Variants in CNTNAP2 observed in about 807,000 individuals in gnomAD.
CNTNAP2 encodes the protein contactin associated protein 2.
In CNTNAP2, 98 loss-of-function variants were observed where a neutral mutation model predicts 155.2. The ratio of observed to expected loss-of-function variants is 0.63; its 90% CI spans 0.54 to 0.75. The LOEUF (loss-of-function observed/expected upper bound fraction) is 0.75, where lower values mean the gene tolerates loss of function less well. CNTNAP2 is among the 30% of genes least tolerant of loss of function. CNTNAP2 has a pLI of 0.00. For synonymous variants in CNTNAP2, 651 were observed against 631.2 expected, an observed-to-expected ratio of 1.03 and a Z score of -0.47; for missense variants, 1,727 against 1,688.1, an observed-to-expected ratio of 1.02 and a Z score of -0.40.
rs560284039 is a variant in CNTNAP2, at chr7:147,932,914, C to A, written c.2255+29193C>A. Among the ~76,000 whole-genome samples, 7 of 152,116 alleles carry A rather than the reference C, an allele frequency of 4.6e-5. No homozygotes were observed. In the South Asian group the frequency reaches 1.2e-3, roughly 27 times the overall value. On this transcript the variant is annotated intron_variant, in intron 14 of 23. Transcript: ENST00000361727. ...TAAATGAGTAAAAAATTTGAATAGA[C>A]ATTTATCCAAAGAAGATATACAACT...
At chr7:146,514,364 A>G (rs549051387) in intron 1 of CNTNAP2, among the ~76,000 whole-genome samples, 25 of 152,046 alleles carry the variant, frequency 1.6e-4, no homozygotes, top group African/African-American at 6.0e-4. Flanking sequence ...AATGACTCTT[A>G]CATTTGCTCT....
intron 20 of CNTNAP2, among the ~76,000 whole-genome samples, chr7:148,250,200 A>G (rs1796339507): frequency 6.6e-6 from 1 of 152,142 alleles, no homozygotes; most frequent in Non-Finnish European, 1.5e-5. Flanking sequence ...TCAAGTCTTC[A>G]TTGAATCTCC....
At chr7:147,241,963 A>C (rs1325782770) in intron 8 of CNTNAP2, among the ~76,000 whole-genome samples, 1 of 152,224 alleles carries the variant, frequency 6.6e-6, no homozygotes, top group Non-Finnish European at 1.5e-5. Context: ...TTTATAAAGC[A>C]GAATGATGTA....
intron 2 of CNTNAP2, among the ~76,000 whole-genome samples, chr7:146,781,615 AG>A (rs1196742150): frequency 6.6e-6 from 1 of 152,150 alleles, no homozygotes; most frequent in Non-Finnish European, 1.5e-5. Flanking sequence ...TGCCTCTTAC[AG>A]GCTCCCAGGC....
At position 147,879,324 on chromosome 7, in the gene CNTNAP2, G is replaced by A. The variant is rs570189991; in HGVS notation, c.2099-24241G>A. 2.6e-5 allele frequency among the ~76,000 whole-genome samples: 4 copies of A among 152,256 alleles called. No homozygotes were observed. The East Asian group carries it at 7.7e-4, about 29-fold the overall frequency. On this transcript the variant is annotated intron_variant, in intron 13 of 23. Transcript: ENST00000361727. ...CACAGGGCTGGCATTCAGAGCCAGG[G>A]TCACAAAGCAGCTCTTTCCAGGAGC...
chr7:147,957,621 AT>A (rs1397084471), intron 14 of CNTNAP2, among the ~76,000 whole-genome samples: 1 of 152,182 alleles, frequency 6.6e-6, no homozygotes, highest in African/African-American at 2.4e-5. Flanking sequence ...AATTGCAATG[AT>A]TATGTATTCA....
At chr7:146,857,818 CAT>C (rs1795020724) in intron 3 of CNTNAP2, among the ~76,000 whole-genome samples, 1 of 152,158 alleles carries the variant, frequency 6.6e-6, no homozygotes, top group Admixed American at 6.5e-5. Context: ...GGTTCTATAT[CAT>C]ATGTTCAAAG....
intron 1 of CNTNAP2, among the ~76,000 whole-genome samples, chr7:146,772,914 C>T (rs938079992): frequency 5.3e-5 from 8 of 152,080 alleles, no homozygotes; most frequent in African/African-American, 9.7e-5. Context: ...CAGCTGCTGC[C>T]GGCAAAACTA....
chr7:146,145,903 C>T (rs914770053), intron 1 of CNTNAP2, among the ~76,000 whole-genome samples: 1 of 152,166 alleles, frequency 6.6e-6, no homozygotes, highest in Admixed American at 6.5e-5. Context: ...TGCTGCATTG[C>T]ACTTTCAATA....
chr7:146,767,871 A>G (rs374400987), intron 1 of CNTNAP2, among the ~76,000 whole-genome samples: 12 of 152,278 alleles, frequency 7.9e-5, no homozygotes, highest in African/African-American at 2.9e-4. Flanking sequence ...GGATTAAACA[A>G]GCTGCCCCAA....
At chr7:146,337,266 G>T (rs908757616) in intron 1 of CNTNAP2, among the ~76,000 whole-genome samples, 1 of 150,932 alleles carries the variant, frequency 6.6e-6, no homozygotes, top group African/African-American at 2.4e-5. Flanking sequence ...GGTCCTCTTA[G>T]TGTCTCCATG....
rs1291291577 is a variant in CNTNAP2 at position 146,117,849 on chromosome 7, AAG to A, written c.97+879_97+880del. On this transcript the variant is annotated intron_variant, in intron 1 of 23. Coordinates refer to ENST00000361727, the MANE Select transcript of CNTNAP2 (RefSeq NM_014141.6). ...TGCATGATTGTTCCTTTGGTTCAGA[AAG>A]AGTTAAACACTAGAAAGACTGCCTA... Among the ~76,000 whole-genome samples the A allele has an allele frequency of 6.6e-5, 10 of 152,286 alleles. No homozygotes were observed. The East Asian group carries it at 9.7e-4, about 15-fold the overall frequency.
intron 1 of CNTNAP2, among the ~76,000 whole-genome samples, chr7:146,392,305 T>C (rs1001089594): frequency 2.0e-5 from 3 of 150,288 alleles, no homozygotes; most frequent in African/African-American, 7.6e-5. Context: ...TTCATAATGA[T>C]CAATGATGTA....
At chr7:147,073,873 T>G (rs886517736) in intron 4 of CNTNAP2, among the ~76,000 whole-genome samples, 1 of 152,034 alleles carries the variant, frequency 6.6e-6, no homozygotes, top group Non-Finnish European at 1.5e-5. Flanking sequence ...GAATGGAGTA[T>G]GGGGATGAAG....
rs115508627 is a variant in CNTNAP2 at position 147,434,659 on chromosome 7, T to C, written c.1670+38879T>C. ...TGTTGATGAGATGCTGACAACCAGG[T>C]ATGAAAGCTGGTTTTGCTTATCTAA... On this transcript the variant is annotated intron_variant, in intron 10 of 23. Transcript: ENST00000361727. Among the ~76,000 whole-genome samples, 1,203 of 152,338 alleles carry C rather than the reference T, an allele frequency of 7.9e-3. 14 individuals are homozygous for C. Among genetic ancestry groups the C allele is most frequent in the African/African-American group, 0.027 (1,134 of 41,590 alleles).
At position 147,183,435 on chromosome 7, in the gene CNTNAP2, G is replaced by A. The variant is rs568077217; in HGVS notation, c.1348+50926G>A. Among the ~76,000 whole-genome samples, 13 of 152,216 alleles carry A rather than the reference G, an allele frequency of 8.5e-5. No homozygotes were observed. The East Asian group carries it at 2.5e-3, about 29-fold the overall frequency. Reference sequence around the variant, plus strand: ...TATACAGCAAATCTCAGACTTGGAGGAGTCCTTTACACCATCTCGTCCAAC... The same window carrying A: ...TATACAGCAAATCTCAGACTTGGAGAAGTCCTTTACACCATCTCGTCCAAC... On this transcript the variant is annotated intron_variant, in intron 8 of 23. Coordinates refer to ENST00000361727, the MANE Select transcript of CNTNAP2 (RefSeq NM_014141.6).
chr7:146,804,847 A>G (rs1468738661), intron 2 of CNTNAP2, among the ~76,000 whole-genome samples: 3 of 152,172 alleles, frequency 2.0e-5, no homozygotes, highest in Admixed American at 2.0e-4. Context: ...TCCCACCTCA[A>G]TCATCATAAT....
At chr7:147,697,003 C>A (rs1796170288) in intron 13 of CNTNAP2, among the ~76,000 whole-genome samples, 1 of 151,980 alleles carries the variant, frequency 6.6e-6, no homozygotes, top group Non-Finnish European at 1.5e-5. Flanking sequence ...GGCATTTATC[C>A]TGCTTGGTTT....
chr7:146,679,291 T>A (rs1175999256), intron 1 of CNTNAP2, among the ~76,000 whole-genome samples: 1 of 151,338 alleles, frequency 6.6e-6, no homozygotes. Flanking sequence ...ATTAGTTTGC[T>A]AAGGATTATG....
Sources: gnomAD v4.1 joint callset for allele counts (sites outside exome capture counted in the v4.1 genomes callset) on GRCh38, gnomAD v4.1.1 for gene constraint, MANE v1.5 for transcripts, NCBI Gene and HGNC (gene_info 2026-07-23, HGNC 2026-07-21) for gene names.